Variants in IL5RA observed in about 807,000 individuals in gnomAD.
The protein encoded by IL5RA is interleukin-5 receptor subunit alpha.
Under a neutral mutation model 50.0 loss-of-function variants are expected in IL5RA, and 49 were observed. The observed-to-expected ratio is 0.98, with a 90% CI of 0.78 to 1.24. The LOEUF is 1.24. Ranked by LOEUF, IL5RA falls within the 50% of genes most tolerant of loss-of-function variation. The pLI is 0.00. For synonymous variants in IL5RA, 202 were observed against 174.0 expected (o/e 1.16, Z -1.26); for missense variants, 600 against 500.4 (o/e 1.20, Z -1.90).
Position 3,092,410 on chromosome 3 carries a change from A to T in IL5RA, c.856-48T>A. The T allele has an allele frequency of 6.4e-7, 1 of 1,571,102 alleles. No individual in the cohort carries two copies. Among genetic ancestry groups the T allele is most frequent in the Non-Finnish European group, 8.7e-7 (1 of 1,150,370 alleles). ...AGAAGAATCTCTAGACACCTAATTT[A>T]GTTCTGCCGATTATCAGAATGGGAG... is the stretch of plus-strand genomic sequence containing the variant. On this transcript the variant is annotated intron_variant, in intron 8 of 11. Coordinates refer to ENST00000446632, the MANE Select transcript of IL5RA (RefSeq NM_175726.4). The surrounding 1 kb of genome is among the most constrained non-coding windows in gnomAD (Gnocchi z 4.2).
intron 7 of IL5RA, among the ~76,000 whole-genome samples, chr3:3,097,089 C>T (rs925599361): frequency 6.6e-6 from 1 of 152,210 alleles, no homozygotes; most frequent in Non-Finnish European, 1.5e-5. Flanking sequence ...AATCTGGAAT[C>T]TCCATAACTA....
Position 3,098,238 on chromosome 3 carries a change from T to C in IL5RA, c.420A>G (p.Glu140=). Residue 140 remains glutamate, a synonymous_variant, in exon 6 of 12, where the codon GAA becomes GAG. Transcript: ENST00000446632. ...VNLTCTTNTT[E]DNYSRLRSYQ... The stretch of plus-strand genomic sequence containing the variant: ...ATGACCTTAAACGTGAATAATTGTC[T>C]TCTGTAGTGTTTGTGGTGCAAGTTA... 2 of 1,614,074 alleles carry C rather than the reference T, an allele frequency of 1.2e-6. No homozygotes were observed.
At chr3:3,085,996 T>C (rs1574987077) in intron 9 of IL5RA, among the ~76,000 whole-genome samples, 1 of 152,280 alleles carries the variant, frequency 6.6e-6, no homozygotes, top group East Asian at 1.9e-4. Context: ...AGTCTTCTAC[T>C]CCCCTGGGTG....
chr3:3,075,879 A>C (rs528329070), intron 10 of IL5RA, among the ~76,000 whole-genome samples: 4 of 152,236 alleles, frequency 2.6e-5, no homozygotes, highest in South Asian at 2.1e-4. Context: ...GGATTACAGG[A>C]GTGAGCCCCC....
chr3:3,105,988 A>T (rs1020092183), intron 2 of IL5RA, among the ~76,000 whole-genome samples: 3 of 152,160 alleles, frequency 2.0e-5, no homozygotes, highest in Non-Finnish European at 4.4e-5. Flanking sequence ...CTACTCTCTT[A>T]CCACGTGCTC....
chr3:3,075,126 C>T (rs573473574), intron 10 of IL5RA, among the ~76,000 whole-genome samples: 3 of 151,022 alleles, frequency 2.0e-5, no homozygotes, highest in East Asian at 1.9e-4. Flanking sequence ...TATCTGAAAA[C>T]GAACTGTATA....
chr3:3,098,332 A>C, intron 5 of IL5RA, 42 bp from the exon 6 acceptor site: 1 of 1,568,212 alleles, frequency 6.4e-7, no homozygotes, highest in Non-Finnish European at 8.8e-7. Context: ...TTGCCATGGC[A>C]AACTCTGAAT....
chr3:3,096,749 C>T (rs988094019), intron 7 of IL5RA, among the ~76,000 whole-genome samples: 2 of 152,134 alleles, frequency 1.3e-5, no homozygotes, highest in African/African-American at 2.4e-5. Flanking sequence ...GAGAGAATTG[C>T]ATAACCTCTT....
intron 7 of IL5RA, 27 bp from the exon 8 acceptor site, chr3:3,095,471 A>AC: frequency 7.7e-7 from 1 of 1,299,976 alleles, no homozygotes; most frequent in Non-Finnish European, 1.1e-6. Context: ...AAGATCAGTG[A>AC]TTTTTTTTTT....
At chr3:3,091,442 G>A (rs1030606035) in intron 9 of IL5RA, among the ~76,000 whole-genome samples, 4 of 152,120 alleles carry the variant, frequency 2.6e-5, no homozygotes, top group African/African-American at 9.7e-5. Flanking sequence ...ATACAAATGA[G>A]GACATATGGC....
intron 9 of IL5RA, among the ~76,000 whole-genome samples, chr3:3,082,325 C>T (rs1702696274): frequency 6.6e-6 from 1 of 152,164 alleles, no homozygotes; most frequent in Non-Finnish European, 1.5e-5. Context: ...AAGGAGAATA[C>T]CTTTCTTGCC....
At chr3:3,102,464 G>A (rs1227005863) in intron 4 of IL5RA, among the ~76,000 whole-genome samples, 1 of 152,184 alleles carries the variant, frequency 6.6e-6, no homozygotes, top group Non-Finnish European at 1.5e-5. Flanking sequence ...TCATCCAAAA[G>A]TTAAAATATT....
At chr3:3,105,935 G>A (rs1057006613) in intron 2 of IL5RA, among the ~76,000 whole-genome samples, 4 of 152,108 alleles carry the variant, frequency 2.6e-5, no homozygotes, top group African/African-American at 9.7e-5. Flanking sequence ...TAACACGCAT[G>A]GCTTCCCCCT....
At chr3:3,089,523 G>T (rs188969594) in intron 9 of IL5RA, among the ~76,000 whole-genome samples, 225 of 152,298 alleles carry the variant, frequency 1.5e-3, no homozygotes, top group African/African-American at 5.2e-3. Flanking sequence ...TTTGGCATGT[G>T]CCTGAACTAA....
At position 3,076,690 on chromosome 3, in the gene IL5RA, G is replaced by T. The variant is rs182774549; in HGVS notation, c.995-63C>A. 8.0e-5 allele frequency: 84 copies of T among 1,050,424 alleles called. No homozygotes were observed. In the East Asian group the frequency reaches 2.0e-3, roughly 25 times the overall value. The allele number at this position is 1,050,424 out of a possible 1,614,324, so 65.1% of individuals were successfully genotyped here. A position where few individuals can be genotyped will look rare whatever the true frequency, so the allele number is the denominator to read the frequency against. ...TCCAAGTTAGAAGCAGCAGGTAAAA[G>T]AAATGATGAGGCTTGGGTCATCAGA... On this transcript the variant is annotated intron_variant, in intron 9 of 11. Transcript: ENST00000446632.
intron 9 of IL5RA, among the ~76,000 whole-genome samples, chr3:3,078,297 A>G (rs1210631582): frequency 1.3e-5 from 2 of 152,202 alleles, no homozygotes; most frequent in African/African-American, 4.8e-5. Flanking sequence ...CAGGAAGGAG[A>G]GATACCTTGG....
chr3:3,109,824 ACC>A (rs1252622053), intron 1 of IL5RA, 119 bp downstream of exon 1: 15 of 151,952 alleles, frequency 9.9e-5, no homozygotes, highest in African/African-American at 3.6e-4. Context: ...CCTCCTCCCC[ACC>A]CTGGGTGTAG....
chr3:3,071,646 G>T (rs190909124), intron 11 of IL5RA, among the ~76,000 whole-genome samples: 1 of 149,172 alleles, frequency 6.7e-6, no homozygotes, highest in African/African-American at 2.5e-5. Context: ...CTGCAGTGCA[G>T]TGGCACAATC....
At position 3,104,685 on chromosome 3, in the gene IL5RA, T is replaced by G. The variant is rs1031919061; in HGVS notation, c.82+218A>C. Among the ~76,000 whole-genome samples, 8 of 152,226 alleles carry G rather than the reference T, an allele frequency of 5.3e-5. No homozygotes were observed. In the South Asian group the frequency reaches 1.7e-3, roughly 31 times the overall value. On this transcript the variant is annotated intron_variant, in intron 3 of 11. Transcript: ENST00000446632. ...GGTGCCCGGACACCCACACTTTGACTTTGATTTCCCACTGTAGCATAACAT... is the reference window on the plus strand; with the variant it reads ...GGTGCCCGGACACCCACACTTTGACGTTGATTTCCCACTGTAGCATAACAT...
Sources: gnomAD v4.1 joint callset for allele counts (sites outside exome capture counted in the v4.1 genomes callset) on GRCh38, gnomAD v4.1.1 for gene constraint, Gnocchi (gnomAD v3.1) non-coding constraint, MANE v1.5 for transcripts, NCBI Gene and HGNC (gene_info 2026-07-23, HGNC 2026-07-21) for gene names.